Variants in FAM20C observed in about 807,000 individuals in gnomAD.
The protein encoded by FAM20C is extracellular serine/threonine protein kinase FAM20C.
In FAM20C, 40 loss-of-function variants were observed where a neutral mutation model predicts 51.5. That is an observed-to-expected ratio of 0.78 (90% confidence interval 0.60 to 1.01). FAM20C has a LOEUF of 1.01. FAM20C is among the 50% of genes least tolerant of loss of function. FAM20C has a pLI of 0.00. For synonymous variants in FAM20C, 406 were observed against 380.6 expected, an observed-to-expected ratio of 1.07 and a Z score of -0.78; for missense variants, 861 against 844.7, an observed-to-expected ratio of 1.02 and a Z score of -0.24.
chr7:196,837 G>A (rs1480041905), intron 2 of FAM20C, among the ~76,000 whole-genome samples: 4 of 152,156 alleles, frequency 2.6e-5, no homozygotes, highest in African/African-American at 9.7e-5. Context: ...AGAACTTGCA[G>A]CTCTCTCCCC....
intron 6 of FAM20C, 23 bp from the exon 7 acceptor site, chr7:256,631 C>A: frequency 1.3e-6 from 2 of 1,526,406 alleles, no homozygotes; most frequent in Non-Finnish European, 1.8e-6. Context: ...CTGGGCCCCC[C>A]GTCTCACGCT....
rs572754401 is a variant in FAM20C, at chr7:258,719, C to T, written c.1505+14C>T. 3.9e-5 allele frequency: 60 copies of T among 1,532,532 alleles called. 1 individual carries two copies. Among genetic ancestry groups the T allele is most frequent in the African/African-American group, 2.2e-4 (16 of 73,064 alleles). The allele number at this position is 1,532,532 out of a possible 1,614,324, so 94.9% of individuals were successfully genotyped here. The stretch of plus-strand genomic sequence containing the variant: ...GCAGTGCTGCAGGTACAGCCCCTGC[C>T]GGAGCCGGCTCCAGCTCCACCCTCC... On this transcript the variant is annotated intron_variant, in intron 9 of 9. Transcript: ENST00000313766.
intron 3 of FAM20C, among the ~76,000 whole-genome samples, chr7:245,359 T>C (rs149754183): frequency 0.021 from 3,252 of 152,256 alleles, 113 homozygotes; most frequent in African/African-American, 0.073. Flanking sequence ...TCTTCCTGGA[T>C]TGGGGGCTGA....
intron 1 of FAM20C, chr7:195,315 G>T (rs867892051): frequency 2.4e-6 from 1 of 421,438 alleles, no homozygotes; most frequent in Non-Finnish European, 4.2e-6. Context: ...GCTGTCTGTG[G>T]TGTCTCCAGA....
At chr7:236,525 T>G (rs989153621) in intron 3 of FAM20C, among the ~76,000 whole-genome samples, 1 of 152,190 alleles carries the variant, frequency 6.6e-6, no homozygotes, top group Non-Finnish European at 1.5e-5. Flanking sequence ...CGCCCTCACC[T>G]GGGGACCCCC....
intron 3 of FAM20C, among the ~76,000 whole-genome samples, chr7:224,063 T>A (rs1228739409): frequency 2.5e-5 from 3 of 121,412 alleles, no homozygotes; most frequent in East Asian, 4.8e-4. Context: ...TTGCGCAGAA[T>A]GGCACCGTCA....
Position 259,627 on chromosome 7 carries a change from T to G in FAM20C, c.1506-104T>G, listed in dbSNP as rs558174772. 1.2e-4 allele frequency: 164 copies of G among 1,375,426 alleles called. No homozygotes were observed. In the African/African-American group the frequency reaches 2.2e-3, roughly 18 times the overall value. 85.2% of individuals were successfully genotyped at this position (1,375,426 alleles called of 1,614,324 possible). On this transcript the variant is annotated intron_variant, in intron 9 of 9. Coordinates refer to ENST00000313766, the MANE Select transcript of FAM20C (RefSeq NM_020223.4). ...CTCTGTCCCCCTCTTTCTCTCTCTG[T>G]CTCTCCCCCCACTCTCTCGATCTCC...
chr7:208,957 G>A lies in FAM20C; in HGVS notation c.844G>A (p.Ala282Thr). The A allele has an allele frequency of 6.3e-7, 1 of 1,585,170 alleles. No individual in the cohort carries two copies. Among genetic ancestry groups the A allele is most frequent in the Non-Finnish European group, 8.6e-7 (1 of 1,165,694 alleles). Residue 282 changes from alanine (A) to threonine (T), a missense_variant, in exon 3 of 10, where the codon GCG (alanine) becomes ACG (threonine). Coordinates refer to ENST00000313766, the MANE Select transcript of FAM20C (RefSeq NM_020223.4). Reference protein sequence around the residue: ...LIMTFQNYGQALFKPMKQTRE... With the variant: ...LIMTFQNYGQTLFKPMKQTRE... ...CATGACCTTCCAGAATTACGGGCAA[G>A]CGCTGTTCAAACCCATGAAGTAAGT...
In FAM20C at chr7:202,382, C is replaced by T. The variant is rs374532798; in HGVS notation, c.785-6516C>T. ...TGAGATTGCACTGGGGAATGGGGCC[C>T]GTGGACATCTTCCTGTGTGCATAGA... On this transcript the variant is annotated intron_variant, in intron 2 of 9. Coordinates refer to ENST00000313766, the MANE Select transcript of FAM20C (RefSeq NM_020223.4). 1.2e-3 allele frequency among the ~76,000 whole-genome samples: 100 copies of T among 85,436 alleles called. 1 individual carries two copies. Among genetic ancestry groups the T allele is most frequent in the African/African-American group, 3.0e-3 (64 of 21,494 alleles). The allele number at this position is 85,436 out of a possible 152,430, so 56.0% of individuals were successfully genotyped here.
At chr7:247,648 C>T (rs1442189638) in intron 4 of FAM20C, among the ~76,000 whole-genome samples, 1 of 152,218 alleles carries the variant, frequency 6.6e-6, no homozygotes, top group Admixed American at 6.5e-5. Context: ...CTATCTAGAA[C>T]AGCCTGAACC....
At chr7:257,241 C>A in intron 8 of FAM20C, 155 bp downstream of exon 8, 1 of 782,804 alleles carries the variant, frequency 1.3e-6, no homozygotes. Context: ...ATGCAGAGGG[C>A]GGCCCCAGGC....
At chr7:201,410 AG>A (rs1162027295) in intron 2 of FAM20C, among the ~76,000 whole-genome samples, 2 of 152,144 alleles carry the variant, frequency 1.3e-5, no homozygotes, top group African/African-American at 2.4e-5. Context: ...GTTGTTAGAA[AG>A]GGTTCCTGCT....
Position 193,161 on chromosome 7 carries a change from G to A in FAM20C, c.-39G>A. On this transcript the variant is annotated 5_prime_UTR_variant, in exon 1 of 10. Transcript: ENST00000313766. ...CCAGCTGCAGCTAGAGGGGCGCGCG[G>A]GCAGAACGCGCTCCAGGCCCGGGCC... 1 of 1,428,624 alleles carries A rather than the reference G, an allele frequency of 7.0e-7. No individual in the cohort carries two copies. Among genetic ancestry groups the A allele is most frequent in the Non-Finnish European group, 9.2e-7 (1 of 1,083,846 alleles). 88.5% of individuals were successfully genotyped at this position (1,428,624 alleles called of 1,614,324 possible).
At chr7:258,234 G>GCT (rs1788706083) in intron 8 of FAM20C, among the ~76,000 whole-genome samples, 5 of 74,938 alleles carry the variant, frequency 6.7e-5, no homozygotes, top group East Asian at 4.2e-4. Context: ...GGAGATGGGT[G>GCT]GGGTGGACCC....
intron 3 of FAM20C, chr7:228,813 G>A (rs75630409): frequency 0.029 from 13,306 of 456,030 alleles, 349 homozygotes; most frequent in African/African-American, 0.089. Flanking sequence ...GTGGGGTCCC[G>A]GGCAGCCTCC....
At chr7:226,450 C>G (rs1787449637) in intron 3 of FAM20C, among the ~76,000 whole-genome samples, 1 of 152,194 alleles carries the variant, frequency 6.6e-6, no homozygotes, top group Non-Finnish European at 1.5e-5. Flanking sequence ...CCAGCGCTTA[C>G]CAGCCAAGGA....
intron 5 of FAM20C, among the ~76,000 whole-genome samples, chr7:253,757 AT>A (rs1285891142): frequency 6.6e-6 from 1 of 151,430 alleles, no homozygotes; most frequent in Admixed American, 6.6e-5. Context: ...TTAATACCCG[AT>A]TTGGATCTGC....
At chr7:258,270 A>G (rs868564187) in intron 8 of FAM20C, among the ~76,000 whole-genome samples, 203 of 87,248 alleles carry the variant, frequency 2.3e-3, no homozygotes, top group East Asian at 4.9e-3. Context: ...GGAGATAGGC[A>G]GGGTGGACCC....
intron 4 of FAM20C, among the ~76,000 whole-genome samples, chr7:247,825 C>G (rs1477671314): frequency 6.6e-6 from 1 of 152,184 alleles, no homozygotes; most frequent in African/African-American, 2.4e-5. Flanking sequence ...GGCCTTGGGT[C>G]CCGGGTCGGC....
Sources: allele counts gnomAD v4.1 joint callset (sites outside exome capture counted in the v4.1 genomes callset), GRCh38; gene constraint gnomAD v4.1.1; transcripts MANE v1.5; gene names NCBI Gene and HGNC (gene_info 2026-07-23, HGNC 2026-07-21).